OPN4: variants seen among roughly 807,000 people sequenced by gnomAD.
The protein encoded by OPN4 is opsin 4.
A neutral mutation model predicts 49.5 loss-of-function variants in OPN4; 43 were observed. That is an observed-to-expected ratio of 0.87 (90% CI 0.68 to 1.12). The LOEUF (loss-of-function observed/expected upper bound fraction) is 1.12. Ranked by LOEUF, OPN4 falls within the 50% of genes most tolerant of loss-of-function variation. The pLI, the probability that OPN4 is intolerant of heterozygous loss-of-function variation, is 0.00. For synonymous variants in OPN4, 263 were observed against 258.0 expected, an observed-to-expected ratio of 1.02 and a Z score of -0.19; for missense variants, 657 against 643.9, an observed-to-expected ratio of 1.02 and a Z score of -0.22.
At position 86,657,113 on chromosome 10, in the gene OPN4, C is replaced by T. The variant is rs1050326620; in HGVS notation, c.290+813C>T. 11 of 764,852 alleles carry T rather than the reference C, an allele frequency of 1.4e-5. No individual in the cohort carries two copies. The African/African-American group carries it at 1.7e-4, about 12-fold the overall frequency. 47.4% of individuals were successfully genotyped at this position (764,852 alleles called of 1,614,324 possible). A position where few individuals can be genotyped will look rare whatever the true frequency, so the allele number is the denominator to read the frequency against. Reference sequence around the variant, plus strand: ...AACCCAGGCTGCAGGGCCACACAGCCCCCTGGCTCTCCCACCTGCCAGCTG... The same window carrying T: ...AACCCAGGCTGCAGGGCCACACAGCTCCCTGGCTCTCCCACCTGCCAGCTG... On this transcript the variant is annotated intron_variant, in intron 2 of 9. Coordinates refer to ENST00000241891, the MANE Select transcript of OPN4 (RefSeq NM_033282.4).
chr10:86,664,138 T>G, intron 9 of OPN4: 3 of 247,168 alleles, frequency 1.2e-5, no homozygotes, highest in Non-Finnish European at 1.6e-5. Flanking sequence ...CGTCAGAGCA[T>G]AGCTCGAGCA....
rs1164533030 is a variant in OPN4, at chr10:86,662,366, C to T, written c.1188C>T (p.His396=). 3 of 1,584,138 alleles carry T rather than the reference C, an allele frequency of 1.9e-6. No individual in the cohort carries two copies. In the Admixed American group the frequency reaches 5.4e-5, roughly 29 times the overall value. ...CCCACCGCTCCACGCTGACCAGCCA[C>T]ACCTCCAACCTCAGCTGGATCTCCA... The part of the protein sequence containing the change: ...RSTHRSTLTS[H]TSNLSWISIR... The change falls in exon 8 of 10, where the codon CAC becomes CAT. Residue 396 remains histidine, a synonymous_variant. Coordinates refer to ENST00000241891, the MANE Select transcript of OPN4 (RefSeq NM_033282.4).
At position 86,663,690 on chromosome 10, in the gene OPN4, G is replaced by C; in HGVS notation, c.1286G>C (p.Trp429Ser). ...ACACACATGGAGGCAGCAGCTGTGTGGGGAGCTGCCCAGCAAGCAAATGGG... is the reference window on the plus strand; with the variant it reads ...ACACACATGGAGGCAGCAGCTGTGTCGGGAGCTGCCCAGCAAGCAAATGGG... Reference protein sequence around the residue: ...GWTHMEAAAVWGAAQQANGRS... With the variant: ...GWTHMEAAAVSGAAQQANGRS... The change falls in exon 9 of 10, where the codon TGG becomes TCG. Residue 429 changes from tryptophan (W) to serine (S), a missense_variant. Trp to Ser is a radical substitution (Grantham distance 177). Transcript: ENST00000241891. The C allele has an allele frequency of 2.6e-6, 4 of 1,566,440 alleles. No individual in the cohort carries two copies. The highest frequency in any genetic ancestry group is 3.5e-6 in the Non-Finnish European group (4 of 1,154,436).
chr10:86,658,491 G>A lies in OPN4; in HGVS notation c.432G>A (p.Glu144=), dbSNP rs2132301891. The A allele has an allele frequency of 6.2e-7, 1 of 1,614,168 alleles. No individual in the cohort carries two copies. The highest frequency in any genetic ancestry group is 1.6e-4 in the Middle Eastern group (1 of 6,062). ...CAGGGGCTGTGCCCACAGGCTGCGA[G>A]TTCTATGCCTTCTGTGGAGCTCTCT... ...KQWLFGETGC[E]FYAFCGALFG... Residue 144 remains glutamate, a synonymous_variant, in exon 4 of 10, where the codon GAG becomes GAA. Transcript: ENST00000241891.
At chr10:86,663,925 C>T (rs1281124618) in intron 9 of OPN4, 123 bp downstream of exon 9, 1 of 1,194,862 alleles carries the variant, frequency 8.4e-7, no homozygotes, top group African/African-American at 1.5e-5. Flanking sequence ...CAGGAATCAC[C>T]TGCTCCCAGC....
intron 1 of OPN4, 91 bp from the exon 2 acceptor site, chr10:86,656,064 G>T: frequency 1.3e-6 from 2 of 1,549,622 alleles, no homozygotes; most frequent in Non-Finnish European, 1.8e-6. Flanking sequence ...TTTCCCACCT[G>T]CCCTGTTGAG....
chr10:86,660,956 G>A (rs1001742668), intron 6 of OPN4, among the ~76,000 whole-genome samples: 4 of 152,104 alleles, frequency 2.6e-5, no homozygotes, highest in East Asian at 1.9e-4. Flanking sequence ...GTGAAACCCC[G>A]TCTCTACTAA....
intron 5 of OPN4, 117 bp from the exon 6 acceptor site, chr10:86,659,778 G>T (rs767631486): frequency 1.3e-4 from 144 of 1,104,388 alleles, no homozygotes; most frequent in Non-Finnish European, 1.8e-4. Context: ...TGGAAGGAAT[G>T]ACACTCTCAC....
chr10:86,662,097 C>T (rs573619257), intron 7 of OPN4, among the ~76,000 whole-genome samples, 155 bp from the exon 8 acceptor site: 1 of 152,272 alleles, frequency 6.6e-6, no homozygotes, highest in South Asian at 2.1e-4. Context: ...TTTCTGTCCT[C>T]ATCACCTGCC....
Position 86,658,388 on chromosome 10 carries a change from C to T in OPN4, c.425-96C>T, listed in dbSNP as rs1589586935. ...GCAGGTGGAGGGGGTGGAGTGCGCT[C>T]AGTCCTGCTCTTCCTGTGAGGTGAA... is the stretch of plus-strand genomic sequence containing the variant. On this transcript the variant is annotated intron_variant, in intron 3 of 9. Coordinates refer to ENST00000241891, the MANE Select transcript of OPN4 (RefSeq NM_033282.4). 15 of 1,390,734 alleles carry T rather than the reference C, an allele frequency of 1.1e-5. No homozygotes were observed. The East Asian group carries it at 3.7e-4, about 34-fold the overall frequency. 86.1% of individuals were successfully genotyped at this position (1,390,734 alleles called of 1,614,324 possible). A position where few individuals can be genotyped will look rare whatever the true frequency, so the allele number is the denominator to read the frequency against.
rs35464859 is a variant in OPN4, at chr10:86,657,831, C to T, written c.291-201C>T. Among the ~76,000 whole-genome samples the T allele has an allele frequency of 8.9e-3, 1,351 of 152,236 alleles. 15 individuals are homozygous for T. Among genetic ancestry groups the T allele is most frequent in the African/African-American group, 0.031 (1,270 of 41,542 alleles). Reference sequence around the variant, plus strand: ...CTCACTCAGCAGACACTGCTGGGTTCAACAGCTGCTTGGCTGGTCCCTGCC... The same window carrying T: ...CTCACTCAGCAGACACTGCTGGGTTTAACAGCTGCTTGGCTGGTCCCTGCC... On this transcript the variant is annotated intron_variant, in intron 2 of 9. Coordinates refer to ENST00000241891, the MANE Select transcript of OPN4 (RefSeq NM_033282.4).
intron 1 of OPN4, 139 bp from the exon 2 acceptor site, chr10:86,656,016 C>T (rs751755352): frequency 9.6e-7 from 1 of 1,046,802 alleles, no homozygotes; most frequent in Non-Finnish European, 1.4e-6. Flanking sequence ...CACTTGTGAG[C>T]TGTGTGTGCA....
intron 6 of OPN4, 54 bp downstream of exon 6, chr10:86,660,113 AAGAAGCCTGGCC>A: frequency 1.9e-6 from 3 of 1,589,846 alleles, no homozygotes; most frequent in Non-Finnish European, 2.6e-6. Flanking sequence ...GGGCAGGAGC[AAGAAGCCTGGCC>A]AGCCTCTCCT....
Position 86,663,728 on chromosome 10 carries a change from G to T in OPN4, c.1324G>T (p.Gly442Cys). 1.3e-6 allele frequency: 2 copies of T among 1,580,612 alleles called. No individual in the cohort carries two copies. The highest frequency in any genetic ancestry group is 1.2e-5 in the South Asian group (1 of 85,774). ...AQQANGRSLY[G>C]QGLEDLEAKA... The stretch of plus-strand genomic sequence containing the variant: ...GCAAGCAAATGGGCGGTCCCTCTAC[G>T]GTCAGGGTCTGGAGGACTTGGAAGC... Residue 442 changes from glycine (G) to cysteine (C), a missense_variant, in exon 9 of 10, where the codon GGT becomes TGT. By Grantham distance (159) the Gly-to-Cys change is radical. Transcript: ENST00000241891.
At chr10:86,655,921 C>A (rs1843850534) in intron 1 of OPN4, among the ~76,000 whole-genome samples, 1 of 152,184 alleles carries the variant, frequency 6.6e-6, no homozygotes, top group South Asian at 2.1e-4. Context: ...GTGATCTGAG[C>A]CCACTCCTAG....
chr10:86,663,998 C>A, intron 9 of OPN4, 196 bp downstream of exon 9: 2 of 618,384 alleles, frequency 3.2e-6, no homozygotes, highest in Non-Finnish European at 2.8e-6. Flanking sequence ...CTGAGCAGGG[C>A]CTGCATATGG....
At chr10:86,655,947 T>C (rs1381196082) in intron 1 of OPN4, among the ~76,000 whole-genome samples, 1 of 152,238 alleles carries the variant, frequency 6.6e-6, no homozygotes, top group Non-Finnish European at 1.5e-5. Context: ...CCCTGTGCCA[T>C]GTTCTAGGAG....
rs111313743 is a variant in OPN4, at chr10:86,655,654, C to T, written c.145-501C>T. On this transcript the variant is annotated intron_variant, in intron 1 of 9. Transcript: ENST00000241891. Reference sequence around the variant, plus strand: ...AGGCATCAAGGTTAGCTGTACCCAGCTATGCTATTGGGCAATGCAGCTTCT... The same window carrying T: ...AGGCATCAAGGTTAGCTGTACCCAGTTATGCTATTGGGCAATGCAGCTTCT... Among the ~76,000 whole-genome samples the T allele has an allele frequency of 1.9e-4, 29 of 152,310 alleles. 1 individual carries two copies. Among genetic ancestry groups the T allele is most frequent in the African/African-American group, 6.0e-4 (25 of 41,562 alleles).
Position 86,663,670 on chromosome 10 carries a change from C to G in OPN4, c.1266C>G (p.His422Gln), listed in dbSNP as rs748685006. Residue 422 changes from histidine (H) to glutamine (Q), a missense_variant, in exon 9 of 10, where the codon CAC becomes CAG. Coordinates refer to ENST00000241891, the MANE Select transcript of OPN4 (RefSeq NM_033282.4). ...CTCACCTCCCTCAGGGCTGGACACA[C>G]ATGGAGGCAGCAGCTGTGTGGGGAG... ...LGSESEVGWT[H>Q]MEAAAVWGAA... The G allele has an allele frequency of 6.5e-7, 1 of 1,547,204 alleles. No homozygotes were observed. The highest frequency in any genetic ancestry group is 2.3e-5 in the East Asian group (1 of 43,310).
Sources: gnomAD v4.1 joint callset for allele counts (sites outside exome capture counted in the v4.1 genomes callset) on GRCh38, gnomAD v4.1.1 for gene constraint, MANE v1.5 for transcripts, NCBI Gene and HGNC (gene_info 2026-07-23, HGNC 2026-07-21) for gene names.